Variants in TP53AIP1 observed in about 807,000 individuals in gnomAD.
The protein encoded by TP53AIP1 is tumor protein p53 regulated apoptosis inducing protein 1.
A neutral mutation model predicts 9.5 loss-of-function variants in TP53AIP1; 14 were observed. The observed-to-expected ratio is 1.47, with a 90% CI of 0.97 to 2.30. TP53AIP1 has a LOEUF of 2.30. TP53AIP1 is among the 30% of genes most tolerant of loss of function. The pLI is 0.00. For missense variants in TP53AIP1, 153 were observed against 146.7 expected, an observed-to-expected ratio of 1.04 and a Z score of -0.22; for synonymous variants, 73 against 61.2, an observed-to-expected ratio of 1.19 and a Z score of -0.90.
At position 128,939,603 on chromosome 11, in the gene TP53AIP1, C is replaced by T. The variant is rs113675576; in HGVS notation, c.-76-1709G>A. On this transcript the variant is annotated intron_variant, in intron 1 of 3. Transcript: ENST00000531399. This position sits in a 1 kb window ranked among gnomAD's most constrained non-coding sequence, Gnocchi z 4.1. ...GGATGCACCTGTAGATGATGCACTG[C>T]CTTACTGTCCAGACAGAACAAAAGG... 6.6e-6 allele frequency among the ~76,000 whole-genome samples: 1 copy of T among 152,222 alleles called. No individual in the cohort carries two copies. Among genetic ancestry groups the T allele is most frequent in the Non-Finnish European group, 1.5e-5 (1 of 68,036 alleles).
At chr11:128,934,764 C>G, downstream of TP53AIP1, 1 of 469,076 alleles carries the variant, frequency 2.1e-6, no homozygotes, top group Middle Eastern at 5.9e-4. Context: ...GAAGGTGAAC[C>G]TAGAATGCAC....
At chr11:128,940,672 G>A (rs1332713536) in intron 1 of TP53AIP1, among the ~76,000 whole-genome samples, 2 of 152,306 alleles carry the variant, frequency 1.3e-5, no homozygotes, top group Non-Finnish European at 1.5e-5. Flanking sequence ...TTTGTGAATC[G>A]CCCACTCTCC....
chr11:128,937,396 G>T lies in TP53AIP1; in HGVS notation c.141+282C>A. On this transcript the variant is annotated intron_variant, in intron 2 of 3. Transcript: ENST00000531399. This position sits in a 1 kb window ranked among gnomAD's most constrained non-coding sequence, Gnocchi z 4.8. ...GCCAGGCACCACCTTCCTTCCAAAA[G>T]CCTTGTTTCTCAGAAAACCTTTCTG... The T allele has an allele frequency of 7.0e-7, 1 of 1,430,426 alleles. No homozygotes were observed. The highest frequency in any genetic ancestry group is 9.1e-7 in the Non-Finnish European group (1 of 1,095,146). 88.6% of individuals were successfully genotyped at this position (1,430,426 alleles called of 1,614,324 possible). A position where few individuals can be genotyped will look rare whatever the true frequency, so the allele number is the denominator to read the frequency against.
chr11:128,937,573 C>A lies in TP53AIP1; in HGVS notation c.141+105G>T. 6.2e-7 allele frequency: 1 copy of A among 1,614,150 alleles called. No homozygotes were observed. Among genetic ancestry groups the A allele is most frequent in the Non-Finnish European group, 8.5e-7 (1 of 1,180,036 alleles). ...AGGACCCAGATGCTGTCACTGGGTC[C>A]TGGTGAGTCTGAAAACTTGGGATGT... On this transcript the variant is annotated intron_variant, in intron 2 of 3. Coordinates refer to ENST00000531399, the MANE Select transcript of TP53AIP1 (RefSeq NM_022112.3). The surrounding 1 kb of genome is among the most constrained non-coding windows in gnomAD (Gnocchi z 4.8).
chr11:128,936,710 C>A (rs1944831663), intron 2 of TP53AIP1, 61 bp from the exon 3 acceptor site: 1 of 1,512,420 alleles, frequency 6.6e-7, no homozygotes, highest in Non-Finnish European at 8.8e-7. Context: ...ATGGTTTATT[C>A]TTCTCTGGCA....
chr11:128,936,100 C>G (rs1406735641), intron 3 of TP53AIP1: 1 of 852,960 alleles, frequency 1.2e-6, no homozygotes, highest in African/African-American at 1.8e-5. Flanking sequence ...CTCAGGCAGG[C>G]CAGTTGTCCT....
At chr11:128,940,858 C>T (rs982006354) in intron 1 of TP53AIP1, among the ~76,000 whole-genome samples, 1 of 152,188 alleles carries the variant, frequency 6.6e-6, no homozygotes, top group Non-Finnish European at 1.5e-5. Flanking sequence ...CAGGGAGGTG[C>T]CCCCGCTAGT....
intron 3 of TP53AIP1, chr11:128,936,098 G>A: frequency 2.3e-6 from 2 of 866,174 alleles, no homozygotes; most frequent in Non-Finnish European, 2.8e-6. Flanking sequence ...GACTCAGGCA[G>A]GCCAGTTGTC....
intron 1 of TP53AIP1, among the ~76,000 whole-genome samples, chr11:128,942,584 A>G (rs1944969054): frequency 6.6e-6 from 1 of 151,974 alleles, no homozygotes; most frequent in Admixed American, 6.6e-5. Flanking sequence ...CCTCCAGGTG[A>G]CTCTGATGTA....
At chr11:128,936,793 T>A (rs1339273624) in intron 2 of TP53AIP1, 144 bp from the exon 3 acceptor site, 2 of 1,432,220 alleles carry the variant, frequency 1.4e-6, no homozygotes, top group Non-Finnish European at 1.8e-6. Flanking sequence ...CCACTCAGGT[T>A]CCCATGGAAA....
At chr11:128,936,860 T>C (rs1944834678) in intron 2 of TP53AIP1, 1 of 1,380,448 alleles carries the variant, frequency 7.2e-7, no homozygotes, top group African/African-American at 1.5e-5. Flanking sequence ...CAAAGGACAT[T>C]AGAGACAAAG....
rs937461495 is a variant in TP53AIP1, at chr11:128,939,947, G to A, written c.-76-2053C>T. Among the ~76,000 whole-genome samples the A allele has an allele frequency of 3.3e-5, 5 of 152,146 alleles. No individual in the cohort carries two copies. Among genetic ancestry groups the A allele is most frequent in the South Asian group, 2.1e-4 (1 of 4,828 alleles). Reference sequence around the variant, plus strand: ...TCATGCCGGGACTCAGGTTGCACACGGCCAGTGGTCCCGGGATATCCAGGG... The same window carrying A: ...TCATGCCGGGACTCAGGTTGCACACAGCCAGTGGTCCCGGGATATCCAGGG... On this transcript the variant is annotated intron_variant, in intron 1 of 3. Transcript: ENST00000531399. This position sits in a 1 kb window ranked among gnomAD's most constrained non-coding sequence, Gnocchi z 4.1.
At position 128,939,186 on chromosome 11, in the gene TP53AIP1, G is replaced by C. The variant is rs970057160; in HGVS notation, c.-76-1292C>G. Among the ~76,000 whole-genome samples the C allele has an allele frequency of 2.0e-5, 3 of 152,162 alleles. No homozygotes were observed. The highest frequency in any genetic ancestry group is 7.2e-5 in the African/African-American group (3 of 41,428). On this transcript the variant is annotated intron_variant, in intron 1 of 3. Coordinates refer to ENST00000531399, the MANE Select transcript of TP53AIP1 (RefSeq NM_022112.3). The surrounding 1 kb of genome is among the most constrained non-coding windows in gnomAD (Gnocchi z 4.1). The stretch of plus-strand genomic sequence containing the variant: ...TTCAATACCAGGATTGAGCCCAAAG[G>C]TCACGTTCTTTCCCTGCGGCTCCCT...
intron 1 of TP53AIP1, among the ~76,000 whole-genome samples, chr11:128,942,476 G>A (rs771790588): frequency 2.0e-5 from 3 of 152,162 alleles, no homozygotes; most frequent in Admixed American, 6.5e-5. Flanking sequence ...GCACAGCATC[G>A]GCGTCAGCAT....
chr11:128,937,594 GA>G lies in TP53AIP1; in HGVS notation c.141+83del. 6.2e-7 allele frequency: 1 copy of G among 1,614,158 alleles called. No individual in the cohort carries two copies. The highest frequency in any genetic ancestry group is 8.5e-7 in the Non-Finnish European group (1 of 1,180,032). On this transcript the variant is annotated intron_variant, in intron 2 of 3. Coordinates refer to ENST00000531399, the MANE Select transcript of TP53AIP1 (RefSeq NM_022112.3). This position sits in a 1 kb window ranked among gnomAD's most constrained non-coding sequence, Gnocchi z 4.8. ...GGTCCTGGTGAGTCTGAAAACTTGG[GA>G]TGTCGGCACCACGGTGAGAGCAGAG...
Position 128,936,537 on chromosome 11 carries a change from C to T in TP53AIP1, c.253+1G>A, listed in dbSNP as rs1489829523. The T allele has an allele frequency of 6.4e-7, 1 of 1,563,090 alleles. No homozygotes were observed. The stretch of plus-strand genomic sequence containing the variant: ...GAATTCACTAAGTAATTATCACACA[C>T]CTGTCAGGATCCAGACAGTTGCTGA... On this transcript the variant is annotated splice_donor_variant, in intron 3 of 3. Coordinates refer to ENST00000531399, the MANE Select transcript of TP53AIP1 (RefSeq NM_022112.3). LOFTEE classifies it high-confidence loss of function.
chr11:128,936,045 G>A (rs1479785636), intron 3 of TP53AIP1: 2 of 779,898 alleles, frequency 2.6e-6, no homozygotes, highest in Admixed American at 5.1e-5. Context: ...GAATCTGTGA[G>A]ATGGAAGCTA....
Position 128,935,617 on chromosome 11 carries a change from T to A in TP53AIP1, c.349A>T (p.Lys117Ter). 1 of 1,581,642 alleles carries A rather than the reference T, an allele frequency of 6.3e-7. No homozygotes were observed. Among genetic ancestry groups the A allele is most frequent in the South Asian group, 1.1e-5 (1 of 87,600 alleles). Residue 117 changes from lysine (K) to a stop codon, truncating the protein, a stop_gained, in exon 4 of 4, where the codon AAA becomes TAA. Transcript: ENST00000531399. LOFTEE classifies it high-confidence loss of function. ...CACTGCAACCTCAACGGTGCTTTTT[T>A]CTGATCATAGCTGAGCTCAAATGCT... ...GSAFELSYDQ[K>*]KAPLRLQ is the part of the protein sequence containing the mutation.
intron 1 of TP53AIP1, among the ~76,000 whole-genome samples, chr11:128,940,295 T>C (rs1037970027): frequency 6.6e-6 from 1 of 152,140 alleles, no homozygotes; most frequent in African/African-American, 2.4e-5. Context: ...AAGCTGCTTT[T>C]GGCCCCGTCT....
Sources: gnomAD v4.1 joint callset for allele counts (sites outside exome capture counted in the v4.1 genomes callset) on GRCh38, gnomAD v4.1.1 for gene constraint, Gnocchi (gnomAD v3.1) non-coding constraint, MANE v1.5 for transcripts, NCBI Gene and HGNC (gene_info 2026-07-23, HGNC 2026-07-21) for gene names.